Variants in TRPM2 observed in about 807,000 individuals in gnomAD.
The protein encoded by TRPM2 is estrogen-responsive element-associated gene 1 protein.
TRPM2 carries 161 observed loss-of-function variants against 174.0 expected under a neutral mutation model. The observed-to-expected ratio is 0.93, with a 90% CI of 0.81 to 1.05. The LOEUF is 1.05. Ranked by LOEUF, TRPM2 falls within the 50% of genes least tolerant of loss-of-function variation. The pLI is 0.00. For synonymous variants in TRPM2, 954 were observed against 861.3 expected (o/e 1.11, Z -1.88); for missense variants, 2,057 against 2,038.0 (o/e 1.01, Z -0.18).
At chr21:44,408,860 G>A (rs1409848713) in intron 19 of TRPM2, among the ~76,000 whole-genome samples, 1 of 151,938 alleles carries the variant, frequency 6.6e-6, no homozygotes, top group African/African-American at 2.4e-5. Context: ...GTTTCACCAT[G>A]TTGGCCAGGC....
intron 27 of TRPM2, among the ~76,000 whole-genome samples, chr21:44,430,926 T>A (rs1423131649): frequency 6.6e-6 from 1 of 151,130 alleles, no homozygotes; most frequent in Non-Finnish European, 1.5e-5. Flanking sequence ...TATAGTAATT[T>A]CTCTTTTGAG....
At chr21:44,436,751 A>G (rs2051285917) in intron 28 of TRPM2, among the ~76,000 whole-genome samples, 1 of 151,828 alleles carries the variant, frequency 6.6e-6, no homozygotes, top group Non-Finnish European at 1.5e-5. Context: ...GCATTTTCTA[A>G]GAGTGGTCAA....
chr21:44,415,566 G>A (rs2050252958), intron 20 of TRPM2: 1 of 152,258 alleles, frequency 6.6e-6, no homozygotes, highest in Non-Finnish European at 1.5e-5. Context: ...TGAGACTCCT[G>A]ACCTCCAGGA....
At chr21:44,416,642 T>C (rs542177468) in intron 20 of TRPM2, 1 of 185,230 alleles carries the variant, frequency 5.4e-6, no homozygotes, top group South Asian at 8.9e-5. Context: ...GCTTCTCCTT[T>C]TTTCTTGCTT....
intron 22 of TRPM2, 189 bp from the exon 23 acceptor site, chr21:44,423,456 C>T: frequency 1.7e-6 from 1 of 584,448 alleles, no homozygotes; most frequent in Non-Finnish European, 3.1e-6. Flanking sequence ...GACATCTTCC[C>T]CTCTGGGGCC....
upstream of TRPM2, among the ~76,000 whole-genome samples, chr21:44,350,718 G>T (rs1469086218): frequency 4.6e-5 from 7 of 151,516 alleles, no homozygotes; most frequent in African/African-American, 1.7e-4. Flanking sequence ...CAGGGGCACC[G>T]GTGGGGTTCG....
chr21:44,407,045 C>CTT, intron 19 of TRPM2, among the ~76,000 whole-genome samples: 1 of 149,310 alleles, frequency 6.7e-6, no homozygotes, highest in African/African-American at 2.5e-5. Context: ...GCTGACAGCC[C>CTT]CCTGAAATGG....
At chr21:44,428,002 C>T (rs779691301) in intron 27 of TRPM2, among the ~76,000 whole-genome samples, 5 of 152,210 alleles carry the variant, frequency 3.3e-5, no homozygotes, top group Middle Eastern at 3.4e-3. Flanking sequence ...GGCAACAAGG[C>T]GTGAGCACCT....
At chr21:44,381,090 C>T (rs1437000839) in intron 8 of TRPM2, among the ~76,000 whole-genome samples, 7 of 151,902 alleles carry the variant, frequency 4.6e-5, no homozygotes, top group Admixed American at 3.9e-4. Flanking sequence ...AGCTGGACCC[C>T]GAGGGATGGG....
At chr21:44,407,456 T>G (rs934816933) in intron 19 of TRPM2, among the ~76,000 whole-genome samples, 2 of 145,688 alleles carry the variant, frequency 1.4e-5, no homozygotes, top group African/African-American at 5.1e-5. Flanking sequence ...GAAGGTTTTT[T>G]TTTTTTTTTT....
rs763564413 is a variant in TRPM2 at position 44,424,866 on chromosome 21, C to G, written c.3564C>G (p.Ala1188=). The G allele has an allele frequency of 6.2e-7, 1 of 1,603,424 alleles. No individual in the cohort carries two copies. The highest frequency in any genetic ancestry group is 1.1e-5 in the South Asian group (1 of 89,148). ...ASLEEQVAQT[A]QALHWIVRTL... ...ATGCCTTCCAGGTGGCCCAGACAGC[C>G]CAAGCCCTGCACTGGATCGTGAGGA... is the stretch of plus-strand genomic sequence containing the variant. The change falls in exon 24 of 32, where the codon GCC becomes GCG. Residue 1188 remains alanine (A), a synonymous_variant. Coordinates refer to ENST00000397928, the MANE Select transcript of TRPM2 (RefSeq NM_003307.4).
rs1232993017 is a variant in TRPM2, at chr21:44,430,604, T to A, written c.3974+3493T>A. On this transcript the variant is annotated intron_variant, in intron 27 of 31. Transcript: ENST00000397928. ...GCCACCGCGCCCGGCTAATTTTTTG[T>A]ATTTTTAGTAGAGACGGGGTTTCAC... Among the ~76,000 whole-genome samples, 3 of 49,184 alleles carry A rather than the reference T, an allele frequency of 6.1e-5. 1 individual carries two copies. The highest frequency in any genetic ancestry group is 2.6e-4 in the African/African-American group (3 of 11,756). The allele number at this position is 49,184 out of a possible 152,430, so 32.3% of individuals were successfully genotyped here.
chr21:44,395,167 A>G (rs74963305), intron 11 of TRPM2, among the ~76,000 whole-genome samples: 3,179 of 152,372 alleles, frequency 0.021, 49 homozygotes, highest in Non-Finnish European at 0.033. Flanking sequence ...AAGAGTCTAC[A>G]CATGTTGGTA....
intron 27 of TRPM2, among the ~76,000 whole-genome samples, chr21:44,429,278 CTTTTTTTTTT>C (rs35708355): frequency 1.8e-4 from 8 of 44,198 alleles, no homozygotes; most frequent in South Asian, 1.2e-3. Flanking sequence ...TTTTCTTTTT[CTTTTTTTTTT>C]TTTTTTTTTT....
At chr21:44,386,406 C>G (rs982054605) in intron 9 of TRPM2, among the ~76,000 whole-genome samples, 1 of 151,548 alleles carries the variant, frequency 6.6e-6, no homozygotes, top group Admixed American at 6.6e-5. Context: ...ACTCCGTTCC[C>G]CCACCACCAA....
chr21:44,428,936 G>A (rs116643672), intron 27 of TRPM2, among the ~76,000 whole-genome samples: 5 of 152,380 alleles, frequency 3.3e-5, no homozygotes, highest in East Asian at 1.9e-4. Context: ...CCACAGCGTT[G>A]CAGTAATCCT....
intron 19 of TRPM2, among the ~76,000 whole-genome samples, chr21:44,413,227 C>CTTTTTTTTTTTTT (rs958225632): frequency 1.7e-5 from 2 of 116,274 alleles, no homozygotes; most frequent in African/African-American, 3.3e-5. Flanking sequence ...CTTTTCAATT[C>CTTTTTTTTTTTTT]TTTTTTTTTT....
At chr21:44,364,392 C>A in intron 3 of TRPM2, 110 bp downstream of exon 3, 1 of 1,350,626 alleles carries the variant, frequency 7.4e-7, no homozygotes, top group Non-Finnish European at 1.0e-6. Context: ...GGCAAAGCTC[C>A]AGGGTGCATA....
At chr21:44,370,856 C>T (rs1177672200) in intron 5 of TRPM2, among the ~76,000 whole-genome samples, 1 of 152,222 alleles carries the variant, frequency 6.6e-6, no homozygotes, top group Non-Finnish European at 1.5e-5. Context: ...CCTCCCCACG[C>T]TGAGTTCAGA....
Sources: allele counts gnomAD v4.1 joint callset (sites outside exome capture counted in the v4.1 genomes callset), GRCh38; gene constraint gnomAD v4.1.1; transcripts MANE v1.5; gene names NCBI Gene and HGNC (gene_info 2026-07-23, HGNC 2026-07-21).